APPL2: variants seen among roughly 807,000 people sequenced by gnomAD.
APPL2 encodes adaptor protein, phosphotyrosine interacting with PH domain and leucine zipper 2.
APPL2 carries 84 observed loss-of-function variants against 92.7 expected under a neutral mutation model. The observed-to-expected ratio is 0.91, with a 90% CI of 0.76 to 1.09. APPL2 has a LOEUF of 1.09. Among genes scored for constraint, APPL2 ranks in the 50% least tolerant of loss-of-function variants. The pLI, the probability that APPL2 is intolerant of heterozygous loss-of-function variation, is 0.00. For synonymous variants in APPL2, 291 were observed against 291.0 expected (o/e 1.00, Z 0.00); for missense variants, 736 against 824.5 (o/e 0.89, Z 1.31).
chr12:105,223,767 T>C (rs1426632313), intron 2 of APPL2, among the ~76,000 whole-genome samples: 1 of 152,238 alleles, frequency 6.6e-6, no homozygotes, highest in Non-Finnish European at 1.5e-5. Flanking sequence ...TTGCAACTAT[T>C]ATTATCATAA....
rs779187749 is a variant in APPL2, at chr12:105,176,947, G to A, written c.1741C>T (p.Arg581Cys). Residue 581 changes from arginine (R) to cysteine (C), a missense_variant, in exon 19 of 21, where the codon CGT becomes TGT. By Grantham distance (180) the Arg-to-Cys change is radical. Coordinates refer to ENST00000258530, the MANE Select transcript of APPL2 (RefSeq NM_018171.5). ...TCTTCTCCAGTGGATTCAGGAACAC[G>A]GATGACAAAACCAACCAGTCTCTTG... is the stretch of plus-strand genomic sequence containing the variant. Reference protein sequence around the residue: ...ENKRLVGFVIRVPESTGEESL... With the variant: ...ENKRLVGFVICVPESTGEESL... 1.3e-5 allele frequency: 21 copies of A among 1,613,950 alleles called. No individual in the cohort carries two copies. Among genetic ancestry groups the A allele is most frequent in the East Asian group, 4.5e-5 (2 of 44,868 alleles).
intron 11 of APPL2, 103 bp downstream of exon 11, chr12:105,197,662 C>G (rs1318953412): frequency 7.0e-7 from 1 of 1,419,036 alleles, no homozygotes; most frequent in Non-Finnish European, 9.6e-7. Context: ...AGATTGGGGC[C>G]TCTCCCACAG....
At chr12:105,217,009 T>C (rs1214723210) in intron 4 of APPL2, 60 bp downstream of exon 4, 3 of 1,297,534 alleles carry the variant, frequency 2.3e-6, no homozygotes, top group Middle Eastern at 2.2e-4. Context: ...TGGGCCAAAA[T>C]AACAACAAAA....
At chr12:105,214,779 C>A (rs957590337) in intron 4 of APPL2, among the ~76,000 whole-genome samples, 3 of 152,170 alleles carry the variant, frequency 2.0e-5, no homozygotes, top group African/African-American at 7.2e-5. Flanking sequence ...AGGATAGGGG[C>A]TGGTCACCAG....
At chr12:105,225,306 C>T (rs1363564883) in intron 2 of APPL2, among the ~76,000 whole-genome samples, 2 of 152,136 alleles carry the variant, frequency 1.3e-5, no homozygotes, top group Admixed American at 6.5e-5. Context: ...GTCCTGCCTG[C>T]CAGGAACATT....
intron 1 of APPL2, chr12:105,232,974 A>C: frequency 1.6e-6 from 1 of 609,486 alleles, no homozygotes; most frequent in East Asian, 1.4e-4. Flanking sequence ...TAACCTCAGA[A>C]CTACATCTTT....
chr12:105,202,613 C>CCT (rs1888312409), intron 9 of APPL2, among the ~76,000 whole-genome samples: 1 of 152,188 alleles, frequency 6.6e-6, no homozygotes, highest in African/African-American at 2.4e-5. Flanking sequence ...TCATCTTCTA[C>CCT]CTCCTCCTAA....
At chr12:105,194,383 T>G (rs1887462762) in intron 14 of APPL2, among the ~76,000 whole-genome samples, 1 of 152,122 alleles carries the variant, frequency 6.6e-6, no homozygotes, top group Admixed American at 6.5e-5. Context: ...AACCTAAATA[T>G]TCAATGGTTA....
chr12:105,206,941 C>G, intron 8 of APPL2, 120 bp downstream of exon 8: 2 of 1,302,028 alleles, frequency 1.5e-6, no homozygotes, highest in East Asian at 2.5e-5. Context: ...CACAAAGTAG[C>G]CAGGGAGATT....
chr12:105,189,965 C>T (rs1463268218), intron 15 of APPL2, 26 bp downstream of exon 15: 3 of 1,612,420 alleles, frequency 1.9e-6, no homozygotes, highest in East Asian at 2.2e-5. Context: ...TCAGTTCTCC[C>T]AGAGATAACC....
At chr12:105,206,875 G>C in intron 8 of APPL2, 186 bp downstream of exon 8, 6 of 665,612 alleles carry the variant, frequency 9.0e-6, no homozygotes, top group Non-Finnish European at 1.4e-5. Context: ...TGAGGCCAAT[G>C]CATGTCCAGC....
At chr12:105,215,860 T>C (rs1438420968) in intron 4 of APPL2, among the ~76,000 whole-genome samples, 3 of 152,014 alleles carry the variant, frequency 2.0e-5, no homozygotes, top group Non-Finnish European at 4.4e-5. Flanking sequence ...CCAAGATTTT[T>C]AGTAGGGTGA....
intron 16 of APPL2, 78 bp downstream of exon 16, chr12:105,189,694 A>G (rs1670696213): frequency 6.8e-6 from 10 of 1,460,020 alleles, no homozygotes; most frequent in Non-Finnish European, 8.6e-6. Context: ...TCTCTAAAAC[A>G]TGATTTCACA....
rs1889805701 is a variant in APPL2 at position 105,217,741 on chromosome 12, A to G, written c.154-16T>C. On this transcript the variant is annotated splice_polypyrimidine_tract_variant and intron_variant, in intron 2 of 20. Coordinates refer to ENST00000258530, the MANE Select transcript of APPL2 (RefSeq NM_018171.5). ...ACATCTCATTCTGTGGAGAGAAGAG[A>G]AAAAGCAAGTAAGATTAGTCCAATG... 1 of 1,612,750 alleles carries G rather than the reference A, an allele frequency of 6.2e-7. No individual in the cohort carries two copies. The highest frequency in any genetic ancestry group is 1.7e-5 in the Admixed American group (1 of 59,940).
At chr12:105,188,179 T>A in intron 17 of APPL2, 94 bp downstream of exon 17, 1 of 1,398,292 alleles carries the variant, frequency 7.2e-7, no homozygotes, top group Non-Finnish European at 9.8e-7. Context: ...AGTAGTCTCT[T>A]CATTCCAGTA....
At chr12:105,203,010 TACACACACACAC>T (rs3838812) in intron 9 of APPL2, among the ~76,000 whole-genome samples, 1,676 of 146,028 alleles carry the variant, frequency 0.011, 16 homozygotes, top group African/African-American at 0.023. Context: ...ATTTGTCAAC[TACACACACACAC>T]ACACACACAC....
At chr12:105,214,778 G>C (rs1218149087) in intron 4 of APPL2, among the ~76,000 whole-genome samples, 1 of 152,188 alleles carries the variant, frequency 6.6e-6, no homozygotes, top group Non-Finnish European at 1.5e-5. Flanking sequence ...CAGGATAGGG[G>C]CTGGTCACCA....
At chr12:105,233,436 G>A (rs781540906) in intron 1 of APPL2, 2 of 982,708 alleles carry the variant, frequency 2.0e-6, no homozygotes, top group Admixed American at 1.2e-4. Flanking sequence ...AACTAAAAAG[G>A]AGTCCATGAA....
At chr12:105,192,840 G>GTAGC (rs1475630064) in intron 14 of APPL2, among the ~76,000 whole-genome samples, 4 of 152,204 alleles carry the variant, frequency 2.6e-5, no homozygotes, top group African/African-American at 4.8e-5. Flanking sequence ...TATTTGTTGA[G>GTAGC]TAGCTAGATA....
Sources: gnomAD v4.1 joint callset for allele counts (sites outside exome capture counted in the v4.1 genomes callset) on GRCh38, gnomAD v4.1.1 for gene constraint, MANE v1.5 for transcripts, NCBI Gene and HGNC (gene_info 2026-07-23, HGNC 2026-07-21) for gene names.